Variants in SCFD2 observed in about 807,000 individuals in gnomAD.
SCFD2 encodes the protein sec1 family domain containing 2.
In SCFD2, 54 loss-of-function variants were observed where a neutral mutation model predicts 58.9. The observed-to-expected ratio is 0.92, with a 90% confidence interval of 0.74 to 1.15. The LOEUF (loss-of-function observed/expected upper bound fraction) is 1.15. Ranked by LOEUF, SCFD2 falls within the 50% of genes most tolerant of loss-of-function variation. The pLI, the probability that SCFD2 is intolerant of heterozygous loss-of-function variation, is 0.00. For missense variants in SCFD2, 805 were observed against 836.6 expected, an observed-to-expected ratio of 0.96 and a Z score of 0.47; for synonymous variants, 321 against 335.9, an observed-to-expected ratio of 0.96 and a Z score of 0.49.
chr4:53,262,185 T>C (rs1730849037), intron 4 of SCFD2, among the ~76,000 whole-genome samples: 1 of 152,200 alleles, frequency 6.6e-6, no homozygotes, highest in Non-Finnish European at 1.5e-5. Context: ...AGAAACTTGG[T>C]TGGTGAATTC....
chr4:53,215,292 A>G (rs1728781313), intron 4 of SCFD2, among the ~76,000 whole-genome samples: 1 of 152,052 alleles, frequency 6.6e-6, no homozygotes, highest in South Asian at 2.1e-4. Context: ...TGAGCATGGG[A>G]TGTTCTTCCA....
At chr4:53,255,225 A>ATTTATTTATTTT (rs1454024490) in intron 4 of SCFD2, among the ~76,000 whole-genome samples, 2 of 147,760 alleles carry the variant, frequency 1.4e-5, no homozygotes, top group Non-Finnish European at 3.0e-5. Context: ...TTATTTATTT[A>ATTTATTTATTTT]TTTTTTATGG....
chr4:53,062,063 A>ATAATAT (rs1470296685), intron 5 of SCFD2, among the ~76,000 whole-genome samples: 1 of 151,694 alleles, frequency 6.6e-6, no homozygotes, highest in Non-Finnish European at 1.5e-5. Context: ...ATATAACATA[A>ATAATAT]TATGTAACAT....
chr4:52,897,325 C>T lies in SCFD2; in HGVS notation c.1842+10132G>A, dbSNP rs562140390. On this transcript the variant is annotated intron_variant, in intron 7 of 8. Coordinates refer to ENST00000401642, the MANE Select transcript of SCFD2 (RefSeq NM_152540.4). ...AGATAGCTCTTATTATTTTGAGAAA[C>T]GTCCCATCAATACCTAATTTATTGA... Among the ~76,000 whole-genome samples, 22 of 152,236 alleles carry T rather than the reference C, an allele frequency of 1.4e-4. No individual in the cohort carries two copies. The South Asian group carries it at 1.9e-3, about 13-fold the overall frequency.
At chr4:52,939,789 C>T (rs1160744919) in intron 5 of SCFD2, among the ~76,000 whole-genome samples, 1 of 151,888 alleles carries the variant, frequency 6.6e-6, no homozygotes, top group Non-Finnish European at 1.5e-5. Flanking sequence ...GAATAATGGC[C>T]AAATAAAGAA....
chr4:53,096,067 G>A (rs1260496758), intron 5 of SCFD2, among the ~76,000 whole-genome samples: 2 of 152,122 alleles, frequency 1.3e-5, no homozygotes, highest in African/African-American at 2.4e-5. Flanking sequence ...TTTTATGGCT[G>A]CGTAGTATTC....
chr4:52,877,735 C>T (rs969734184), intron 8 of SCFD2, among the ~76,000 whole-genome samples: 4 of 152,162 alleles, frequency 2.6e-5, no homozygotes, highest in South Asian at 4.1e-4. Context: ...AGTTATGGGG[C>T]GGATGCAGGG....
At chr4:52,969,998 T>TA (rs1366709856) in intron 5 of SCFD2, among the ~76,000 whole-genome samples, 2 of 151,936 alleles carry the variant, frequency 1.3e-5, no homozygotes, top group East Asian at 3.9e-4. Flanking sequence ...TTAAAGAGGG[T>TA]AAAAATCTCA....
At chr4:53,256,039 G>C (rs577097627) in intron 4 of SCFD2, among the ~76,000 whole-genome samples, 107 of 148,286 alleles carry the variant, frequency 7.2e-4, no homozygotes, top group African/African-American at 2.2e-3. Flanking sequence ...CCTCCCTTCC[G>C]GACGGGGCGG....
At chr4:53,262,336 G>A (rs1730853815) in intron 4 of SCFD2, among the ~76,000 whole-genome samples, 1 of 151,952 alleles carries the variant, frequency 6.6e-6, no homozygotes, top group South Asian at 2.1e-4. Flanking sequence ...TCGTGTTATT[G>A]TTATATAGGT....
Position 53,352,767 on chromosome 4 carries a change from CTG to C in SCFD2, c.839-3_839-2del, listed in dbSNP as rs759742695. The C allele has an allele frequency of 4.3e-6, 7 of 1,610,990 alleles. No homozygotes were observed. The highest frequency in any genetic ancestry group is 1.7e-5 in the Admixed American group (1 of 59,844). ...TTGTCTCCATGATGTCCAACTGCTC[CTG>C]TTTAAGCAGACAAGATGATGTAAAT... is the stretch of plus-strand genomic sequence containing the variant. On this transcript the variant is annotated splice_acceptor_variant and splice_polypyrimidine_tract_variant and intron_variant, in intron 1 of 8. Coordinates refer to ENST00000401642, the MANE Select transcript of SCFD2 (RefSeq NM_152540.4). LOFTEE classifies it high-confidence loss of function.
At chr4:53,039,057 C>A (rs1303930591) in intron 5 of SCFD2, among the ~76,000 whole-genome samples, 1 of 152,056 alleles carries the variant, frequency 6.6e-6, no homozygotes, top group Non-Finnish European at 1.5e-5. Context: ...TTCCATCTAC[C>A]AGCACTATAT....
intron 4 of SCFD2, among the ~76,000 whole-genome samples, chr4:53,203,365 T>A (rs973174135): frequency 5.9e-5 from 9 of 152,078 alleles, no homozygotes; most frequent in African/African-American, 2.2e-4. Flanking sequence ...AGATTTTTTT[T>A]AGCTTGTATT....
intron 2 of SCFD2, among the ~76,000 whole-genome samples, chr4:53,343,825 G>A (rs1733967439): frequency 1.3e-5 from 2 of 152,186 alleles, no homozygotes; most frequent in East Asian, 3.9e-4. Context: ...ACATAATCCA[G>A]CATATAAACA....
chr4:53,232,445 G>A (rs762189336), intron 4 of SCFD2, among the ~76,000 whole-genome samples: 7 of 151,858 alleles, frequency 4.6e-5, no homozygotes, highest in Admixed American at 6.6e-5. Context: ...AAAATCAGGA[G>A]ACAAAAAAAC....
intron 5 of SCFD2, among the ~76,000 whole-genome samples, chr4:53,026,276 T>C (rs1722472494): frequency 6.6e-6 from 1 of 152,176 alleles, no homozygotes; most frequent in Non-Finnish European, 1.5e-5. Flanking sequence ...GTCCTGCATT[T>C]AGAAAGGAAA....
intron 1 of SCFD2, among the ~76,000 whole-genome samples, chr4:53,355,567 T>C (rs1456005208): frequency 6.6e-6 from 1 of 152,192 alleles, no homozygotes; most frequent in Non-Finnish European, 1.5e-5. Flanking sequence ...ATCCTCATAC[T>C]CTTTACATAA....
chr4:53,044,916 C>CCCCGCCA (rs59844812), intron 5 of SCFD2, among the ~76,000 whole-genome samples: 1,626 of 109,606 alleles, frequency 0.015, 70 homozygotes, highest in South Asian at 0.047. Flanking sequence ...ACCCCCCCCC[C>CCCCGCCA]CCGCCCACAA....
At chr4:53,077,213 G>T (rs541922627) in intron 5 of SCFD2, among the ~76,000 whole-genome samples, 1 of 151,968 alleles carries the variant, frequency 6.6e-6, no homozygotes, top group Non-Finnish European at 1.5e-5. Flanking sequence ...TTTGATCAGC[G>T]CATTCAAAAC....
Sources: allele counts gnomAD v4.1 joint callset (sites outside exome capture counted in the v4.1 genomes callset), GRCh38; gene constraint gnomAD v4.1.1; transcripts MANE v1.5; gene names NCBI Gene and HGNC (gene_info 2026-07-23, HGNC 2026-07-21).